The following ETV5 variants were observed in gnomAD, a reference collection of about 807,000 sequenced individuals.
ETV5 encodes the protein ETS translocation variant 5.
A neutral mutation model predicts 70.0 loss-of-function variants in ETV5; 10 were observed. The observed-to-expected ratio is 0.14, with a 90% CI of 0.09 to 0.24. ETV5 has a LOEUF of 0.24. Among genes scored for constraint, ETV5 ranks in the 10% least tolerant of loss-of-function variants. The probability of loss-of-function intolerance (pLI) is 1.00; values close to 1 mark genes in which losing one functional copy is unlikely to be tolerated. For synonymous variants in ETV5, 216 were observed against 242.2 expected (o/e 0.89, Z 1.01); for missense variants, 453 against 651.2 (o/e 0.70, Z 3.31).
chr3:186,072,299 T>C (rs1189477749), intron 7 of ETV5, among the ~76,000 whole-genome samples: 1 of 151,820 alleles, frequency 6.6e-6, no homozygotes, highest in African/African-American at 2.4e-5. Flanking sequence ...GGAGAACTGC[T>C]TGAACCCGAG....
chr3:186,061,759 C>T (rs1395256904), intron 9 of ETV5, among the ~76,000 whole-genome samples: 1 of 152,176 alleles, frequency 6.6e-6, no homozygotes, highest in Admixed American at 6.5e-5. Context: ...ATCTCAGTCC[C>T]TACCAGGGCT....
intron 5 of ETV5, among the ~76,000 whole-genome samples, chr3:186,102,546 T>C (rs1050722459): frequency 6.7e-6 from 1 of 148,518 alleles, no homozygotes; most frequent in East Asian, 2.0e-4. Flanking sequence ...GGCAGGAGAA[T>C]TGCTCGAACC....
chr3:186,063,361 T>C (rs1409524962), intron 9 of ETV5, among the ~76,000 whole-genome samples: 1 of 152,236 alleles, frequency 6.6e-6, no homozygotes. Context: ...CTTGAAGCCA[T>C]ATGCTATGGA....
chr3:186,047,176 CA>C lies in ETV5; in HGVS notation c.*1462del, dbSNP rs1309565253. ...AGCAGAGCAGGCAGCAAGGTACCACCAGTAACTTTTCCTCTACTTTGAGCTC... is the reference window on the plus strand; with the variant it reads ...AGCAGAGCAGGCAGCAAGGTACCACCGTAACTTTTCCTCTACTTTGAGCTC... On this transcript the variant is annotated 3_prime_UTR_variant, in exon 13 of 13. Transcript: ENST00000306376. 1 of 229,110 alleles carries C rather than the reference CA, an allele frequency of 4.4e-6. No individual in the cohort carries two copies. Among genetic ancestry groups the C allele is most frequent in the Non-Finnish European group, 8.7e-6 (1 of 115,262 alleles). 14.2% of individuals were successfully genotyped at this position (229,110 alleles called of 1,614,324 possible).
Position 186,107,078 on chromosome 3 carries a change from C to A in ETV5, c.-74-1136G>T, listed in dbSNP as rs562062948. 6 of 323,636 alleles carry A rather than the reference C, an allele frequency of 1.9e-5. No individual in the cohort carries two copies. The South Asian group carries it at 7.4e-4, about 40-fold the overall frequency. The allele number at this position is 323,636 out of a possible 1,614,324, so 20.0% of individuals were successfully genotyped here. ...GTTTTTCACACTGTGTGTAGCATAT[C>A]AAATTTTTCATAAGTGGGCAGGATA... On this transcript the variant is annotated intron_variant, in intron 1 of 12. Transcript: ENST00000306376.
Position 186,047,498 on chromosome 3 carries a change from CAT to C in ETV5, c.*1139_*1140del, listed in dbSNP as rs1454810801. The C allele has an allele frequency of 8.6e-6, 2 of 232,394 alleles. No individual in the cohort carries two copies. The highest frequency in any genetic ancestry group is 1.2e-4 in the East Asian group (2 of 16,446). The allele number at this position is 232,394 out of a possible 1,614,324, so 14.4% of individuals were successfully genotyped here. A position where few individuals can be genotyped will look rare whatever the true frequency, so the allele number is the denominator to read the frequency against. Reference sequence around the variant, plus strand: ...GACCAGGTTTCCAAAGGACATGACACATGTTATATACATATGCTTTCCAGAGA... The same window carrying C: ...GACCAGGTTTCCAAAGGACATGACACGTTATATACATATGCTTTCCAGAGA... On this transcript the variant is annotated 3_prime_UTR_variant, in exon 13 of 13. Transcript: ENST00000306376.
intron 7 of ETV5, among the ~76,000 whole-genome samples, chr3:186,070,630 G>A (rs1236305832): frequency 1.3e-5 from 2 of 152,364 alleles, no homozygotes; most frequent in East Asian, 1.9e-4. Context: ...AGAGCTTGCT[G>A]CTGATAATGT....
At chr3:186,077,870 C>A (rs1055795968) in intron 7 of ETV5, 7 of 385,702 alleles carry the variant, frequency 1.8e-5, no homozygotes, top group Non-Finnish European at 2.3e-5. Context: ...TCTGTATCAC[C>A]CCAGTGTGTG....
At position 186,046,794 on chromosome 3, in the gene ETV5, T is replaced by C. The variant is rs1712889779; in HGVS notation, c.*1845A>G. On this transcript the variant is annotated 3_prime_UTR_variant, in exon 13 of 13. Coordinates refer to ENST00000306376, the MANE Select transcript of ETV5 (RefSeq NM_004454.3). Reference sequence around the variant, plus strand: ...AAAATATGCATCTATGTATAGACTATGTGTAGGTTAAGAAAGCTATAAATA... The same window carrying C: ...AAAATATGCATCTATGTATAGACTACGTGTAGGTTAAGAAAGCTATAAATA... The C allele has an allele frequency of 4.3e-6, 1 of 232,478 alleles. No individual in the cohort carries two copies. The highest frequency in any genetic ancestry group is 2.2e-5 in the African/African-American group (1 of 45,258). 14.4% of individuals were successfully genotyped at this position (232,478 alleles called of 1,614,324 possible).
At chr3:186,076,164 G>A (rs1380924120) in intron 7 of ETV5, 3 of 227,092 alleles carry the variant, frequency 1.3e-5, no homozygotes, top group Non-Finnish European at 8.7e-6. Flanking sequence ...CCCTCTCCTT[G>A]TGGGGAGGAA....
At chr3:186,078,033 G>C (rs901854375) in intron 7 of ETV5, 47 of 1,057,508 alleles carry the variant, frequency 4.4e-5, no homozygotes, top group Non-Finnish European at 5.4e-5. Flanking sequence ...CAACACCCAC[G>C]GGCAAATAAC....
intron 7 of ETV5, among the ~76,000 whole-genome samples, chr3:186,071,755 G>A (rs1713643760): frequency 6.6e-6 from 1 of 151,674 alleles, no homozygotes; most frequent in East Asian, 2.0e-4. Flanking sequence ...TTCCTTACAT[G>A]AGGTCGGGAG....
At position 186,092,591 on chromosome 3, in the gene ETV5, C is replaced by T. The variant is rs536443143; in HGVS notation, c.233-11416G>A. Among the ~76,000 whole-genome samples, 13 of 152,010 alleles carry T rather than the reference C, an allele frequency of 8.6e-5. No homozygotes were observed. The South Asian group carries it at 2.1e-3, about 24-fold the overall frequency. On this transcript the variant is annotated intron_variant, in intron 5 of 12. Coordinates refer to ENST00000306376, the MANE Select transcript of ETV5 (RefSeq NM_004454.3). ...GGGACCACCGGTGCCTGCCACCACA[C>T]GCAGCTACATTTTTTTTTTTTTTAA...
Position 186,052,545 on chromosome 3 carries a change from G to A in ETV5, c.1210-414C>T, listed in dbSNP as rs1156311249. Among the ~76,000 whole-genome samples, 1 of 152,160 alleles carries A rather than the reference G, an allele frequency of 6.6e-6. No individual in the cohort carries two copies. Among genetic ancestry groups the A allele is most frequent in the Non-Finnish European group, 1.5e-5 (1 of 68,028 alleles). ...TTCCTGAAACATTAGAAACACACTA[G>A]TGAGTTGCTAATGGGCCAGCAGAGC... On this transcript the variant is annotated intron_variant, in intron 11 of 12. Transcript: ENST00000306376. The surrounding 1 kb of genome is among the most constrained non-coding windows in gnomAD (Gnocchi z 4.5).
chr3:186,075,272 C>T (rs951506350), intron 7 of ETV5, among the ~76,000 whole-genome samples: 1 of 152,204 alleles, frequency 6.6e-6, no homozygotes, highest in African/African-American at 2.4e-5. Context: ...TGCTGCCATA[C>T]ACAACATGTT....
intron 5 of ETV5, among the ~76,000 whole-genome samples, chr3:186,087,489 C>T (rs529566089): frequency 1.3e-5 from 2 of 152,110 alleles, no homozygotes; most frequent in Non-Finnish European, 2.9e-5. Context: ...TAAATTTCTA[C>T]TTTTTAAAAA....
At chr3:186,055,567 C>A (rs1377241849) in intron 11 of ETV5, among the ~76,000 whole-genome samples, 2 of 152,196 alleles carry the variant, frequency 1.3e-5, no homozygotes, top group African/African-American at 4.8e-5. Flanking sequence ...TGACACATTT[C>A]CATTCTCGTG....
chr3:186,089,553 G>C (rs182903190), intron 5 of ETV5, among the ~76,000 whole-genome samples: 1 of 152,288 alleles, frequency 6.6e-6, no homozygotes, highest in East Asian at 1.9e-4. Context: ...TTTCACCACT[G>C]TTTTAAGGTC....
At position 186,057,482 on chromosome 3, in the gene ETV5, T is replaced by C. The variant is rs768086594; in HGVS notation, c.980A>G (p.Tyr327Cys). ...YFSSSHEGFS[Y>C]EKDPRLYFDD... is the part of the protein sequence containing the mutation. ...AAAGTATAATCGGGGATCTTTTTCA[T>C]ATGAAAAACCTGAAAGAGAATTTAA... The change falls in exon 10 of 13, where the codon TAT (tyrosine) becomes TGT (cysteine). Residue 327 changes from tyrosine to cysteine, a missense_variant. By Grantham distance (194) the Tyr-to-Cys change is radical (BLOSUM62 -2). This residue lies in a region of ETV5 where 307 missense variants were observed against 344.9 expected (regional missense o/e 0.89). Coordinates refer to ENST00000306376, the MANE Select transcript of ETV5 (RefSeq NM_004454.3). This position sits in a 1 kb window ranked among gnomAD's most constrained non-coding sequence, Gnocchi z 4.9. 10 of 1,613,894 alleles carry C rather than the reference T, an allele frequency of 6.2e-6. No individual in the cohort carries two copies. In the South Asian group the frequency reaches 8.8e-5, roughly 14 times the overall value.
Sources: gnomAD v4.1 joint callset for allele counts (sites outside exome capture counted in the v4.1 genomes callset) on GRCh38, gnomAD v4.1.1 for gene constraint, gnomAD v4.1.1 regional missense constraint, Gnocchi (gnomAD v3.1) non-coding constraint, MANE v1.5 for transcripts, NCBI Gene and HGNC (gene_info 2026-07-23, HGNC 2026-07-21) for gene names.